The following ATP11B variants were observed in gnomAD, a reference collection of about 807,000 sequenced individuals.
ATP11B encodes the protein ATPase phospholipid transporting 11B (putative), also known as phospholipid-transporting ATPase IF.
In ATP11B, 81 loss-of-function variants were observed where a neutral mutation model predicts 157.8. The observed-to-expected ratio is 0.51, with a 90% CI of 0.43 to 0.62. The LOEUF (loss-of-function observed/expected upper bound fraction) is 0.62, where lower values mean the gene tolerates loss of function less well. Among genes scored for constraint, ATP11B ranks in the 20% least tolerant of loss-of-function variants. The pLI, the probability that ATP11B is intolerant of heterozygous loss-of-function variation, is 0.00. For missense variants in ATP11B, 1,165 were observed against 1,402.2 expected (o/e 0.83, Z 2.70); for synonymous variants, 451 against 469.4 (o/e 0.96, Z 0.51).
chr3:182,866,013 G>A (rs1443080880), intron 13 of ATP11B, among the ~76,000 whole-genome samples: 3 of 152,072 alleles, frequency 2.0e-5, no homozygotes, highest in Non-Finnish European at 4.4e-5. Flanking sequence ...AATACTTTTT[G>A]AGACCTCACT....
At chr3:182,819,221 A>G (rs1478534576) in intron 1 of ATP11B, among the ~76,000 whole-genome samples, 3 of 151,484 alleles carry the variant, frequency 2.0e-5, no homozygotes, top group Non-Finnish European at 4.4e-5. Flanking sequence ...GGCGCCCGCC[A>G]CCACGCCCGG....
At chr3:182,896,216 A>T (rs1316638325) in intron 25 of ATP11B, among the ~76,000 whole-genome samples, 1 of 152,164 alleles carries the variant, frequency 6.6e-6, no homozygotes, top group Non-Finnish European at 1.5e-5. Flanking sequence ...TAATTCCATG[A>T]TCCATTATCC....
chr3:182,911,271 G>GCCCC (rs4063413), intron 28 of ATP11B, among the ~76,000 whole-genome samples: 5,536 of 75,750 alleles, frequency 0.073, 269 homozygotes, highest in East Asian at 0.093. Flanking sequence ...CTATTGAAAT[G>GCCCC]CCCCCCCCCG....
intron 12 of ATP11B, among the ~76,000 whole-genome samples, chr3:182,860,862 C>T (rs544261068): frequency 2.6e-5 from 4 of 152,110 alleles, no homozygotes; most frequent in Admixed American, 6.5e-5. Context: ...TTTACCTCCC[C>T]GAGGATATTA....
At chr3:182,811,015 AT>A (rs1172969197) in intron 1 of ATP11B, among the ~76,000 whole-genome samples, 2 of 152,230 alleles carry the variant, frequency 1.3e-5, no homozygotes, top group African/African-American at 4.8e-5. Context: ...TGAAGGAAAA[AT>A]AAATGAATAC....
intron 1 of ATP11B, among the ~76,000 whole-genome samples, chr3:182,809,560 C>T (rs1343891951): frequency 2.0e-5 from 3 of 152,112 alleles, no homozygotes; most frequent in East Asian, 3.9e-4. Flanking sequence ...GCTCTGTACA[C>T]TAATAAGCAA....
intron 24 of ATP11B, 26 bp from the exon 25 acceptor site, chr3:182,889,384 G>GTTTTTTT: frequency 6.8e-7 from 1 of 1,471,658 alleles, no homozygotes; most frequent in Non-Finnish European, 9.2e-7. Context: ...TCCCTAATAT[G>GTTTTTTT]TTTCTTTTTC....
intron 18 of ATP11B, 142 bp from the exon 19 acceptor site, chr3:182,873,670 C>G: frequency 1.5e-6 from 1 of 659,736 alleles, no homozygotes. Context: ...GAGAAAATTC[C>G]AGTTATATTG....
intron 1 of ATP11B, among the ~76,000 whole-genome samples, chr3:182,817,356 C>T (rs1221604711): frequency 6.6e-6 from 1 of 152,002 alleles, no homozygotes; most frequent in Non-Finnish European, 1.5e-5. Flanking sequence ...TCTCAGCTCA[C>T]TGCAACCTCC....
At chr3:182,888,936 C>G (rs1009801191) in intron 24 of ATP11B, among the ~76,000 whole-genome samples, 2 of 150,388 alleles carry the variant, frequency 1.3e-5, no homozygotes, top group African/African-American at 4.9e-5. Flanking sequence ...GATCTTAGCT[C>G]ACTGCAACCT....
chr3:182,868,639 G>T (rs749897726), intron 15 of ATP11B, among the ~76,000 whole-genome samples: 5 of 152,022 alleles, frequency 3.3e-5, no homozygotes, highest in Non-Finnish European at 5.9e-5. Flanking sequence ...GTGTTTGTCA[G>T]GTGTATTAGG....
intron 29 of ATP11B, chr3:182,917,518 T>C (rs1339512916): frequency 1.0e-6 from 1 of 985,252 alleles, no homozygotes; most frequent in Non-Finnish European, 1.2e-6. Flanking sequence ...CTTTGATGCC[T>C]TTTGAATACA....
chr3:182,828,444 A>G (rs959403018), intron 3 of ATP11B, among the ~76,000 whole-genome samples: 2 of 152,062 alleles, frequency 1.3e-5, no homozygotes, highest in South Asian at 2.1e-4. Context: ...GTGCTGTAGT[A>G]CTTAGATTAA....
chr3:182,891,536 A>G (rs1324883262), intron 25 of ATP11B, among the ~76,000 whole-genome samples: 1 of 152,194 alleles, frequency 6.6e-6, no homozygotes, highest in Non-Finnish European at 1.5e-5. Context: ...ATGCTTCAAG[A>G]ACATTTTTCA....
At chr3:182,882,802 C>G (rs910477903) in intron 21 of ATP11B, among the ~76,000 whole-genome samples, 2 of 152,020 alleles carry the variant, frequency 1.3e-5, no homozygotes, top group African/African-American at 4.8e-5. Flanking sequence ...TGTAATAATC[C>G]TGGTATACAA....
chr3:182,864,120 C>G (rs1037889021), intron 12 of ATP11B, among the ~76,000 whole-genome samples: 2 of 151,922 alleles, frequency 1.3e-5, no homozygotes, highest in African/African-American at 2.4e-5. Flanking sequence ...ATCTTTTTAT[C>G]CTGGAATTGT....
intron 28 of ATP11B, among the ~76,000 whole-genome samples, chr3:182,910,959 A>G (rs967622596): frequency 6.6e-6 from 1 of 152,230 alleles, no homozygotes; most frequent in East Asian, 1.9e-4. Context: ...ATAAGCCCCA[A>G]TTTTTAAATT....
At chr3:182,860,744 C>T (rs1411676405) in intron 12 of ATP11B, among the ~76,000 whole-genome samples, 1 of 151,930 alleles carries the variant, frequency 6.6e-6, no homozygotes, top group Non-Finnish European at 1.5e-5. Context: ...TTTTCAGTAT[C>T]TTTTGATTTA....
At chr3:182,823,583 G>C (rs1054549968) in intron 2 of ATP11B, among the ~76,000 whole-genome samples, 6 of 152,134 alleles carry the variant, frequency 3.9e-5, no homozygotes, top group Non-Finnish European at 7.3e-5. Flanking sequence ...GCTTAGGATT[G>C]TCTTGGCAAT....
Sources: gnomAD v4.1 joint callset for allele counts (sites outside exome capture counted in the v4.1 genomes callset) on GRCh38, gnomAD v4.1.1 for gene constraint, MANE v1.5 for transcripts, NCBI Gene and HGNC (gene_info 2026-07-23, HGNC 2026-07-21) for gene names.